FMN2: variants seen among roughly 807,000 people sequenced by gnomAD.
The protein encoded by FMN2 is formin 2, also known as formin-2.
Under a neutral mutation model 142.3 loss-of-function variants are expected in FMN2, and 51 were observed. The observed-to-expected ratio is 0.36, with a 90% CI of 0.29 to 0.45. FMN2 has a LOEUF of 0.45. FMN2 is among the 20% of genes least tolerant of loss of function. FMN2 has a pLI of 1.00. For missense variants in FMN2, 1,936 were observed against 2,122.8 expected, an observed-to-expected ratio of 0.91 and a Z score of 1.73; for synonymous variants, 882 against 869.8, an observed-to-expected ratio of 1.01 and a Z score of -0.25.
In FMN2 at chr1:240,092,741, A is replaced by T. The variant is rs1661032686; in HGVS notation, c.632A>T (p.Gln211Leu). 3 of 1,612,766 alleles carry T rather than the reference A, an allele frequency of 1.9e-6. No homozygotes were observed. The highest frequency in any genetic ancestry group is 2.5e-6 in the Non-Finnish European group (3 of 1,179,650). The change falls in exon 1 of 18, where the codon CAG becomes CTG. Residue 211 changes from glutamine (Q) to leucine (L), a missense_variant. Around this residue, in one of 8 missense-constraint regions of FMN2, gnomAD observed 751 missense variants for 791.8 expected, o/e 0.95. Transcript: ENST00000319653. ...QAIRLQQQQQQQLQLQLQQQQ... is the reference protein window; with the variant it reads ...QAIRLQQQQQLQLQLQLQQQQ... ...ATCCGCCTGCAGCAGCAGCAGCAGCAGCAGCTCCAGCTCCAGCTCCAGCAA... is the reference window on the plus strand; with the variant it reads ...ATCCGCCTGCAGCAGCAGCAGCAGCTGCAGCTCCAGCTCCAGCTCCAGCAA...
chr1:240,264,830 G>A (rs1668745374), intron 7 of FMN2, among the ~76,000 whole-genome samples: 1 of 152,088 alleles, frequency 6.6e-6, no homozygotes, highest in Non-Finnish European at 1.5e-5. Context: ...TGAAGAGATG[G>A]AATTAGCTAT....
chr1:240,129,003 A>G (rs918528966), intron 2 of FMN2, among the ~76,000 whole-genome samples: 15 of 151,956 alleles, frequency 9.9e-5, no homozygotes, highest in Non-Finnish European at 1.2e-4. Flanking sequence ...CCTCCTAAGT[A>G]GCTGGGATTA....
intron 16 of FMN2, among the ~76,000 whole-genome samples, 189 bp downstream of exon 16, chr1:240,438,399 G>A (rs566927657): frequency 1.3e-5 from 2 of 152,252 alleles, no homozygotes; most frequent in South Asian, 2.1e-4. Context: ...CACAGAAGCT[G>A]GGATGCTACA....
At chr1:240,455,253 C>T (rs1011037697) in intron 16 of FMN2, among the ~76,000 whole-genome samples, 2 of 138,210 alleles carry the variant, frequency 1.4e-5, no homozygotes, top group Non-Finnish European at 3.1e-5. Flanking sequence ...AAGCGAGTTT[C>T]GGCCAGGTGT....
At chr1:240,441,588 T>G (rs1165021361) in intron 16 of FMN2, among the ~76,000 whole-genome samples, 2 of 151,802 alleles carry the variant, frequency 1.3e-5, no homozygotes, top group East Asian at 3.9e-4. Flanking sequence ...CCATTAATTT[T>G]TTGATATTTG....
chr1:240,183,592 A>G (rs1186204997), intron 3 of FMN2, among the ~76,000 whole-genome samples: 1 of 151,608 alleles, frequency 6.6e-6, no homozygotes, highest in Non-Finnish European at 1.5e-5. Flanking sequence ...TATAGTTTTC[A>G]TAAAATTGGC....
intron 8 of FMN2, among the ~76,000 whole-genome samples, chr1:240,305,951 G>GTTTTTTTTTGTTT (rs1173599248): frequency 1.6e-5 from 2 of 121,760 alleles, no homozygotes; most frequent in African/African-American, 3.8e-5. Flanking sequence ...ATGCTTGTAA[G>GTTTTTTTTTGTTT]TTTTTTTTTT....
At chr1:240,143,128 G>C in intron 2 of FMN2, 1 of 1,563,846 alleles carries the variant, frequency 6.4e-7, no homozygotes, top group East Asian at 2.2e-5. Context: ...AGGTCGTTGG[G>C]GTCCTTGGCA....
chr1:240,252,604 G>A (rs992295330), intron 6 of FMN2, among the ~76,000 whole-genome samples: 1 of 150,786 alleles, frequency 6.6e-6, no homozygotes, highest in African/African-American at 2.4e-5. Flanking sequence ...GGCCAGTAAG[G>A]TTTTTGCTGA....
At chr1:240,260,071 A>G (rs1380387673) in intron 7 of FMN2, among the ~76,000 whole-genome samples, 2 of 152,212 alleles carry the variant, frequency 1.3e-5, no homozygotes, top group African/African-American at 4.8e-5. Context: ...GTTGCTGTGA[A>G]TGCCATTAAT....
intron 6 of FMN2, among the ~76,000 whole-genome samples, chr1:240,229,242 C>T (rs557898483): frequency 2.0e-5 from 3 of 152,262 alleles, no homozygotes; most frequent in South Asian, 2.1e-4. Context: ...TTAACTTACA[C>T]GTTGAACAGA....
At chr1:240,123,151 G>A (rs754018883) in intron 1 of FMN2, 28 bp from the exon 2 acceptor site, 24 of 1,612,474 alleles carry the variant, frequency 1.5e-5, no homozygotes, top group Admixed American at 1.2e-4. Flanking sequence ...GGCAGTGCTC[G>A]CTCTTAATGA....
intron 14 of FMN2, among the ~76,000 whole-genome samples, chr1:240,388,792 G>A (rs1393729452): frequency 1.3e-5 from 2 of 151,164 alleles, no homozygotes; most frequent in Admixed American, 6.6e-5. Context: ...AACCTGGGAG[G>A]CGGAGGTTGC....
At chr1:240,369,448 T>C (rs577880735) in intron 14 of FMN2, among the ~76,000 whole-genome samples, 2 of 152,308 alleles carry the variant, frequency 1.3e-5, no homozygotes, top group South Asian at 2.1e-4. Context: ...ATTTAACCAA[T>C]ACCATTGTCT....
At chr1:240,127,121 CT>C (rs769189578) in intron 2 of FMN2, among the ~76,000 whole-genome samples, 700 of 138,022 alleles carry the variant, frequency 5.1e-3, no homozygotes, top group African/African-American at 6.3e-3. Flanking sequence ...AGGAATATGG[CT>C]TTTTTTTTTT....
chr1:240,243,381 G>A (rs1039290214), intron 6 of FMN2, among the ~76,000 whole-genome samples: 6 of 152,154 alleles, frequency 3.9e-5, no homozygotes, highest in African/African-American at 1.2e-4. Flanking sequence ...GCCAACAACA[G>A]TATGTCTAAA....
intron 8 of FMN2, among the ~76,000 whole-genome samples, chr1:240,297,594 CAA>C (rs57504077): frequency 6.7e-3 from 597 of 88,744 alleles, no homozygotes; most frequent in African/African-American, 0.024. Flanking sequence ...GACTCCATCT[CAA>C]AAAAAAAAAA....
At chr1:240,149,903 T>C (rs1233493570) in intron 2 of FMN2, among the ~76,000 whole-genome samples, 2 of 152,174 alleles carry the variant, frequency 1.3e-5, no homozygotes, top group East Asian at 3.9e-4. Context: ...AAATAGCATT[T>C]GTGTTTTTTT....
At chr1:240,170,239 G>A in intron 2 of FMN2, 3 of 1,272,212 alleles carry the variant, frequency 2.4e-6, no homozygotes, top group Non-Finnish European at 2.3e-6. Flanking sequence ...CTCCGTAGAG[G>A]AGATAGAGGT....
Sources: allele counts gnomAD v4.1 joint callset (sites outside exome capture counted in the v4.1 genomes callset), GRCh38; gene constraint gnomAD v4.1.1; regional missense constraint gnomAD v4.1.1; transcripts MANE v1.5; gene names NCBI Gene and HGNC (gene_info 2026-07-23, HGNC 2026-07-21).